Variants in ZNF777 observed in about 807,000 individuals in gnomAD.
ZNF777 encodes zinc finger protein 777.
ZNF777 carries 7 observed loss-of-function variants against 72.1 expected under a neutral mutation model. The observed-to-expected ratio is 0.10, with a 90% CI of 0.06 to 0.18. The LOEUF is 0.18. Ranked by LOEUF, ZNF777 falls within the 10% of genes least tolerant of loss-of-function variation. The pLI, the probability that ZNF777 is intolerant of heterozygous loss-of-function variation, is 1.00. For synonymous variants in ZNF777, 545 were observed against 483.5 expected (o/e 1.13, Z -1.67); for missense variants, 828 against 1,128.6 (o/e 0.73, Z 3.82).
chr7:149,433,872 C>G (rs73467570), intron 5 of ZNF777, among the ~76,000 whole-genome samples: 17,209 of 152,260 alleles, frequency 0.11, 1,076 homozygotes, highest in South Asian at 0.27. Flanking sequence ...TCTCAAGTGC[C>G]TTGTACTTAT....
rs111339163 is a variant in ZNF777 at position 149,438,024 on chromosome 7, C to A, written c.1088-1198G>T. 2.6e-3 allele frequency among the ~76,000 whole-genome samples: 396 copies of A among 152,168 alleles called. 1 individual carries two copies. The highest frequency in any genetic ancestry group is 3.8e-3 in the Non-Finnish European group (261 of 67,988). On this transcript the variant is annotated intron_variant, in intron 4 of 5. Transcript: ENST00000247930. ...CCTCCCGAGCAGCTGGGATTACAGG[C>A]ACCCGCCACCACACCCGGCTAATTT...
intron 3 of ZNF777, 147 bp downstream of exon 3, chr7:149,453,964 G>T: frequency 8.2e-7 from 1 of 1,219,680 alleles, no homozygotes; most frequent in Non-Finnish European, 1.1e-6. Context: ...ATATGAGGGC[G>T]TTTGCTTTAA....
chr7:149,453,813 G>T (rs1374992164), intron 3 of ZNF777, among the ~76,000 whole-genome samples: 1 of 152,198 alleles, frequency 6.6e-6, no homozygotes, highest in African/African-American at 2.4e-5. Context: ...TTAAAAAGGG[G>T]TCCCCATGGG....
intron 3 of ZNF777, 55 bp from the exon 4 acceptor site, chr7:149,451,167 T>A: frequency 6.7e-7 from 1 of 1,491,618 alleles, no homozygotes; most frequent in East Asian, 2.3e-5. Flanking sequence ...CACTGGATGT[T>A]GTTAAGGTAT....
At chr7:149,453,894 T>G (rs1799772366) in intron 3 of ZNF777, among the ~76,000 whole-genome samples, 1 of 152,244 alleles carries the variant, frequency 6.6e-6, no homozygotes, top group African/African-American at 2.4e-5. Flanking sequence ...GCAGCTTCTC[T>G]GAGAGTGGGG....
At position 149,436,717 on chromosome 7, in the gene ZNF777, C is replaced by G; in HGVS notation, c.1197G>C (p.Gln399His). 1 of 1,614,172 alleles carries G rather than the reference C, an allele frequency of 6.2e-7. No homozygotes were observed. The highest frequency in any genetic ancestry group is 1.3e-5 in the African/African-American group (1 of 75,048). ...CACAGGGGTCACCCAGCTCTGAGTCCTGGAAGCCGTGCTCTTCCACCTGTC... is the reference window on the plus strand; with the variant it reads ...CACAGGGGTCACCCAGCTCTGAGTCGTGGAAGCCGTGCTCTTCCACCTGTC... ...LMGQVEEHGF[Q>H]DSELGDPCGE... is the part of the protein sequence containing the mutation. The change falls in exon 5 of 6, where the codon CAG becomes CAC. Residue 399 changes from glutamine to histidine, a missense_variant. This residue lies in a region of ZNF777 where 219 missense variants were observed against 223.0 expected (regional missense o/e 0.98). Transcript: ENST00000247930. The surrounding 1 kb of genome is among the most constrained non-coding windows in gnomAD (Gnocchi z 5.0).
Position 149,448,510 on chromosome 7 carries a change from T to TATATATATATATATATATATATATATAA in ZNF777, c.1087+2488_1087+2489insTTATATATATATATATATATATATATAT, listed in dbSNP as rs1351675498. ...CTATATATATATATATATATATATA[T>TATATATATATATATATATATATATATAA]AACTATATATAGTTATACATATAGT... On this transcript the variant is annotated intron_variant, in intron 4 of 5. Coordinates refer to ENST00000247930, the MANE Select transcript of ZNF777 (RefSeq NM_015694.3). Among the ~76,000 whole-genome samples, 139 of 122,284 alleles carry TATATATATATATATATATATATATATAA rather than the reference T, an allele frequency of 1.1e-3. 4 individuals are homozygous for TATATATATATATATATATATATATATAA. Among genetic ancestry groups the TATATATATATATATATATATATATATAA allele is most frequent in the African/African-American group, 5.0e-3 (131 of 26,310 alleles). The allele number at this position is 122,284 out of a possible 152,430, so 80.2% of individuals were successfully genotyped here. A position where few individuals can be genotyped will look rare whatever the true frequency, so the allele number is the denominator to read the frequency against.
intron 3 of ZNF777, among the ~76,000 whole-genome samples, chr7:149,453,334 G>A (rs964821025): frequency 2.0e-5 from 3 of 152,160 alleles, no homozygotes; most frequent in Admixed American, 1.3e-4. Flanking sequence ...GGAAAGGTAT[G>A]TATAAAATTA....
At chr7:149,438,204 G>A (rs1799451149) in intron 4 of ZNF777, among the ~76,000 whole-genome samples, 1 of 151,620 alleles carries the variant, frequency 6.6e-6, no homozygotes, top group South Asian at 2.1e-4. Flanking sequence ...CACTATGTTG[G>A]CCAGGCTGGT....
rs1799927255 is a variant in ZNF777, at chr7:149,460,413, T to TCCCGGCGGCGAGCTGGGC, written c.-16+384_-16+401dup. On this transcript the variant is annotated intron_variant, in intron 1 of 5. Transcript: ENST00000247930. The surrounding 1 kb of genome is among the most constrained non-coding windows in gnomAD (Gnocchi z 6.1). ...TGTGCGGGCGGCCCGGCCGGCTGCG[T>TCCCGGCGGCGAGCTGGGC]CCCGGCGGCGAGCTGGGCCCCGGCC... 6.9e-6 allele frequency among the ~76,000 whole-genome samples: 1 copy of TCCCGGCGGCGAGCTGGGC among 145,256 alleles called. No individual in the cohort carries two copies. The highest frequency in any genetic ancestry group is 1.5e-5 in the Non-Finnish European group (1 of 65,590).
chr7:149,441,933 A>G (rs1041186503), intron 4 of ZNF777, among the ~76,000 whole-genome samples: 1 of 152,044 alleles, frequency 6.6e-6, no homozygotes. Context: ...GCTTGAGTAA[A>G]TATTTCTACA....
rs1226670060 is a variant in ZNF777 at position 149,431,768 on chromosome 7, G to T, written c.*8C>A. The T allele has an allele frequency of 1.9e-6, 3 of 1,544,154 alleles. No homozygotes were observed. The highest frequency in any genetic ancestry group is 2.6e-6 in the Non-Finnish European group (3 of 1,154,140). On this transcript the variant is annotated 3_prime_UTR_variant, in exon 6 of 6. Coordinates refer to ENST00000247930, the MANE Select transcript of ZNF777 (RefSeq NM_015694.3). ...CACCTGGCCGGGCGGCGGCGGCGGG[G>T]CGCGCGCTCACTCGCCCGTGTGGGT... is the stretch of plus-strand genomic sequence containing the variant.
intron 4 of ZNF777, among the ~76,000 whole-genome samples, chr7:149,444,803 G>A (rs551745531): frequency 1.8e-4 from 28 of 152,334 alleles, no homozygotes; most frequent in African/African-American, 6.5e-4. Context: ...CTGGAAGCTC[G>A]TAGGATTTCC....
chr7:149,436,977 A>G lies in ZNF777; in HGVS notation c.1088-151T>C. 9.9e-7 allele frequency: 1 copy of G among 1,006,382 alleles called. No individual in the cohort carries two copies. The highest frequency in any genetic ancestry group is 1.4e-6 in the Non-Finnish European group (1 of 707,370). 62.3% of individuals were successfully genotyped at this position (1,006,382 alleles called of 1,614,324 possible). On this transcript the variant is annotated intron_variant, in intron 4 of 5. Coordinates refer to ENST00000247930, the MANE Select transcript of ZNF777 (RefSeq NM_015694.3). This position sits in a 1 kb window ranked among gnomAD's most constrained non-coding sequence, Gnocchi z 5.0. Reference sequence around the variant, plus strand: ...GTAATATTGAGTTGGAAATGAGTAGACACAGAATTTTCTGGACACCTTGTA... The same window carrying G: ...GTAATATTGAGTTGGAAATGAGTAGGCACAGAATTTTCTGGACACCTTGTA...
At chr7:149,451,141 C>T (rs374330118) in intron 3 of ZNF777, 29 bp from the exon 4 acceptor site, 44 of 1,593,198 alleles carry the variant, frequency 2.8e-5, no homozygotes, top group Non-Finnish European at 3.7e-5. Context: ...AAAAAATATG[C>T]TCTGGGATGA....
chr7:149,450,914 C>T, intron 4 of ZNF777, 85 bp downstream of exon 4: 2 of 1,259,712 alleles, frequency 1.6e-6, no homozygotes, highest in South Asian at 1.3e-5. Context: ...CAGGGCCTAC[C>T]TTGGATTGTG....
At chr7:149,433,833 G>T (rs1799366862) in intron 5 of ZNF777, among the ~76,000 whole-genome samples, 1 of 152,230 alleles carries the variant, frequency 6.6e-6, no homozygotes. Context: ...TTAGAGAAAA[G>T]AAGTGGCTCC....
chr7:149,459,542 C>T (rs928512944), intron 1 of ZNF777: 5 of 744,500 alleles, frequency 6.7e-6, no homozygotes, highest in African/African-American at 3.8e-5. Flanking sequence ...GCTGCCAGGG[C>T]GGCCCAGCCC....
chr7:149,444,089 C>T (rs1751163264), intron 4 of ZNF777, among the ~76,000 whole-genome samples: 2 of 152,138 alleles, frequency 1.3e-5, no homozygotes, highest in South Asian at 4.1e-4. Flanking sequence ...ACGGTCAGAA[C>T]CATCTCCTCC....
Sources: gnomAD v4.1 joint callset for allele counts (sites outside exome capture counted in the v4.1 genomes callset) on GRCh38, gnomAD v4.1.1 for gene constraint, gnomAD v4.1.1 regional missense constraint, Gnocchi (gnomAD v3.1) non-coding constraint, MANE v1.5 for transcripts, NCBI Gene and HGNC (gene_info 2026-07-23, HGNC 2026-07-21) for gene names.